DCC: variants seen among roughly 807,000 people sequenced by gnomAD.
DCC encodes DCC netrin 1 receptor.
In DCC, 58 loss-of-function variants were observed where a neutral mutation model predicts 172.5. That is an observed-to-expected ratio of 0.34 (90% CI 0.27 to 0.42). The LOEUF is 0.42. Ranked by LOEUF, DCC falls within the 10% of genes least tolerant of loss-of-function variation. DCC has a pLI of 1.00. For synonymous variants in DCC, 709 were observed against 644.5 expected (o/e 1.10, Z -1.52); for missense variants, 1,740 against 1,791.0 (o/e 0.97, Z 0.51).
intron 1 of DCC, among the ~76,000 whole-genome samples, chr18:52,624,913 G>A (rs775392946): frequency 6.6e-6 from 1 of 152,076 alleles, no homozygotes; most frequent in African/African-American, 2.4e-5. Context: ...CTATGAATGG[G>A]GATACATTAT....
chr18:52,891,122 C>T (rs1033360762), intron 2 of DCC, among the ~76,000 whole-genome samples: 1 of 151,998 alleles, frequency 6.6e-6, no homozygotes, highest in Non-Finnish European at 1.5e-5. Flanking sequence ...AATTAATGCT[C>T]AAATTAACTT....
chr18:53,310,991 G>GACACACACAC (rs5825008), intron 13 of DCC, among the ~76,000 whole-genome samples: 1,798 of 145,784 alleles, frequency 0.012, 31 homozygotes, highest in African/African-American at 0.04. Flanking sequence ...AAGCATCTAG[G>GACACACACAC]ACACACACAC....
chr18:53,303,867 A>T (rs2057169195), intron 12 of DCC, among the ~76,000 whole-genome samples: 1 of 152,194 alleles, frequency 6.6e-6, no homozygotes, highest in African/African-American at 2.4e-5. Flanking sequence ...ATCAGGTCAC[A>T]TGAACAAATT....
chr18:52,663,691 AAAG>A (rs1402100461), intron 1 of DCC, among the ~76,000 whole-genome samples: 6 of 152,182 alleles, frequency 3.9e-5, no homozygotes, highest in Non-Finnish European at 5.9e-5. Context: ...ACAGAAAGTA[AAAG>A]AAGAAGTATG....
chr18:52,433,146 G>A (rs1482972711), intron 1 of DCC, among the ~76,000 whole-genome samples: 3 of 152,080 alleles, frequency 2.0e-5, no homozygotes, highest in East Asian at 1.9e-4. Context: ...GTATTTGAGA[G>A]CTGTATATTT....
chr18:53,432,916 G>C (rs749471873), intron 21 of DCC, among the ~76,000 whole-genome samples: 3 of 152,004 alleles, frequency 2.0e-5, no homozygotes, highest in Admixed American at 6.6e-5. Context: ...TCCCAGAAAT[G>C]GGTTTTGTGG....
intron 5 of DCC, among the ~76,000 whole-genome samples, chr18:52,976,898 G>T: frequency 6.6e-6 from 1 of 152,142 alleles, no homozygotes; most frequent in East Asian, 1.9e-4. Context: ...TGTAAAATGA[G>T]ATATAATGTT....
rs564420508 is a variant in DCC at position 52,487,265 on chromosome 18, A to G, written c.91+146387A>G. 2.8e-4 allele frequency among the ~76,000 whole-genome samples: 42 copies of G among 152,230 alleles called. 2 individuals carry two copies. In the South Asian group the frequency reaches 7.7e-3, roughly 28 times the overall value. On this transcript the variant is annotated intron_variant, in intron 1 of 28. Transcript: ENST00000442544. ...TAAGAAATATAAAGGGCACCTCATT[A>G]TCGTAAAACACAGATGCAACTAGAA...
intron 1 of DCC, among the ~76,000 whole-genome samples, chr18:52,428,932 C>T (rs1020594741): frequency 3.9e-5 from 6 of 151,968 alleles, no homozygotes; most frequent in Admixed American, 1.3e-4. Context: ...AAATACCCAG[C>T]GGCTGAACTT....
chr18:52,345,572 G>A (rs985113803), intron 1 of DCC, among the ~76,000 whole-genome samples: 2 of 152,268 alleles, frequency 1.3e-5, no homozygotes, highest in Admixed American at 6.5e-5. Context: ...CTGCTTGCTT[G>A]TTTTCAGCTC....
chr18:52,484,227 A>G (rs1482882866), intron 1 of DCC, among the ~76,000 whole-genome samples: 5 of 152,070 alleles, frequency 3.3e-5, no homozygotes, highest in Non-Finnish European at 5.9e-5. Context: ...ATTTATCAAG[A>G]CCATCCTACT....
At chr18:52,464,864 T>A (rs1000529463) in intron 1 of DCC, among the ~76,000 whole-genome samples, 2 of 152,130 alleles carry the variant, frequency 1.3e-5, no homozygotes, top group Admixed American at 1.3e-4. Context: ...TAGCTGACAT[T>A]TTTGGAGAGC....
chr18:53,342,802 T>A (rs1447537139), intron 15 of DCC, among the ~76,000 whole-genome samples: 1 of 123,328 alleles, frequency 8.1e-6, no homozygotes, highest in Non-Finnish European at 1.8e-5. Flanking sequence ...TGAACATATA[T>A]TTAGGACTGT....
At chr18:52,796,458 C>A (rs1438021779) in intron 2 of DCC, among the ~76,000 whole-genome samples, 5 of 152,036 alleles carry the variant, frequency 3.3e-5, no homozygotes, top group African/African-American at 1.2e-4. Context: ...TATCCTTTCA[C>A]TTCTGGATGT....
chr18:52,390,634 T>C (rs577754954), intron 1 of DCC, among the ~76,000 whole-genome samples: 1 of 152,164 alleles, frequency 6.6e-6, no homozygotes, highest in South Asian at 2.1e-4. Context: ...CATCTGCTCT[T>C]GTCACATGGT....
At chr18:53,097,270 G>A (rs4321259) in intron 7 of DCC, among the ~76,000 whole-genome samples, 52,868 of 151,986 alleles carry the variant, frequency 0.35, 10,442 homozygotes, top group Non-Finnish European at 0.45. Flanking sequence ...AGTTGTTGTT[G>A]ATTTATGAAG....
chr18:53,233,567 AC>A (rs772046118), intron 12 of DCC, among the ~76,000 whole-genome samples: 1 of 152,152 alleles, frequency 6.6e-6, no homozygotes, highest in Non-Finnish European at 1.5e-5. Context: ...CAAAGCCATA[AC>A]AAAAATGAGT....
At position 53,093,551 on chromosome 18, in the gene DCC, G is replaced by T. The variant is rs534771960; in HGVS notation, c.1261+27385G>T. ...AAAAGGAAGCGTTAGGCATGCTAAT[G>T]GGATAAATCAGCCAAATCCCATCTA... On this transcript the variant is annotated intron_variant, in intron 7 of 28. Transcript: ENST00000442544. 5.9e-5 allele frequency among the ~76,000 whole-genome samples: 9 copies of T among 152,232 alleles called. No homozygotes were observed. In the East Asian group the frequency reaches 1.2e-3, roughly 20 times the overall value.
chr18:52,741,932 T>C (rs938840138), intron 1 of DCC, among the ~76,000 whole-genome samples: 1 of 152,104 alleles, frequency 6.6e-6, no homozygotes, highest in Non-Finnish European at 1.5e-5. Context: ...GGTGGGACTT[T>C]GGGGAGATAA....
Sources: allele counts gnomAD v4.1 joint callset (sites outside exome capture counted in the v4.1 genomes callset), GRCh38; gene constraint gnomAD v4.1.1; transcripts MANE v1.5; gene names NCBI Gene and HGNC (gene_info 2026-07-23, HGNC 2026-07-21).